Variants in PTPRM observed in about 807,000 individuals in gnomAD.
The protein encoded by PTPRM is protein tyrosine phosphatase receptor type M.
PTPRM carries 47 observed loss-of-function variants against 186.7 expected under a neutral mutation model. That is an observed-to-expected ratio of 0.25 (90% CI 0.20 to 0.32). The LOEUF is 0.32. Ranked by LOEUF, PTPRM falls within the 10% of genes least tolerant of loss-of-function variation. PTPRM has a pLI of 1.00. For synonymous variants in PTPRM, 668 were observed against 674.9 expected (o/e 0.99, Z 0.16); for missense variants, 1,494 against 1,865.0 (o/e 0.80, Z 3.66).
chr18:8,382,877 C>G (rs1443265196), intron 29 of PTPRM, among the ~76,000 whole-genome samples: 2 of 152,232 alleles, frequency 1.3e-5, no homozygotes, highest in African/African-American at 4.8e-5. Context: ...CCTGACACAT[C>G]ATTCTGCATA....
chr18:7,940,712 C>T (rs1157731675), intron 5 of PTPRM, among the ~76,000 whole-genome samples: 2 of 149,990 alleles, frequency 1.3e-5, no homozygotes, highest in South Asian at 2.1e-4. Flanking sequence ...GTACCTTAGC[C>T]TGTACTCCAA....
chr18:8,097,572 T>C (rs77537922), intron 11 of PTPRM, among the ~76,000 whole-genome samples: 3,352 of 152,332 alleles, frequency 0.022, 54 homozygotes, highest in African/African-American at 0.047. Flanking sequence ...TGAACACTTA[T>C]TGTCTTCATG....
At chr18:8,370,035 C>T (rs1482787832) in intron 23 of PTPRM, among the ~76,000 whole-genome samples, 1 of 152,066 alleles carries the variant, frequency 6.6e-6, no homozygotes, top group Admixed American at 6.5e-5. Flanking sequence ...AATAGAAATT[C>T]ATCCATGGAG....
At chr18:8,053,585 T>C (rs8099242) in intron 7 of PTPRM, among the ~76,000 whole-genome samples, 1 of 152,204 alleles carries the variant, frequency 6.6e-6, no homozygotes, top group East Asian at 1.9e-4. Context: ...TGGCATCTGA[T>C]AGAACAAATT....
At chr18:7,930,883 C>T (rs1265751269) in intron 5 of PTPRM, among the ~76,000 whole-genome samples, 1 of 151,890 alleles carries the variant, frequency 6.6e-6, no homozygotes. Flanking sequence ...TTATGATTAA[C>T]AGATGTGTCC....
chr18:8,384,772 G>A, intron 30 of PTPRM, 86 bp downstream of exon 30: 1 of 1,537,668 alleles, frequency 6.5e-7, no homozygotes, highest in Non-Finnish European at 8.9e-7. Flanking sequence ...CTCTATGTCA[G>A]TCACTGTTCC....
chr18:7,767,087 C>T (rs2042048957), intron 1 of PTPRM, among the ~76,000 whole-genome samples: 1 of 152,154 alleles, frequency 6.6e-6, no homozygotes, highest in African/African-American at 2.4e-5. Context: ...GCTGTTGATA[C>T]CAGAGAACTT....
chr18:7,798,266 C>T (rs1459325012), intron 2 of PTPRM, among the ~76,000 whole-genome samples: 1 of 152,126 alleles, frequency 6.6e-6, no homozygotes, highest in Non-Finnish European at 1.5e-5. Flanking sequence ...CATGGTGGCT[C>T]ACTCCTGTAA....
intron 2 of PTPRM, among the ~76,000 whole-genome samples, chr18:7,822,239 ACT>A (rs2045239087): frequency 2.6e-5 from 4 of 152,152 alleles, no homozygotes; most frequent in Admixed American, 2.6e-4. Flanking sequence ...ATTGAAGCAA[ACT>A]CTAAACTATC....
chr18:7,587,625 A>G (rs2037013238), intron 1 of PTPRM, among the ~76,000 whole-genome samples: 1 of 152,124 alleles, frequency 6.6e-6, no homozygotes, highest in African/African-American at 2.4e-5. Flanking sequence ...GTTGTTTTTT[A>G]ACTTAAAAGC....
At chr18:7,618,553 GA>G (rs916187100) in intron 1 of PTPRM, among the ~76,000 whole-genome samples, 2 of 151,996 alleles carry the variant, frequency 1.3e-5, no homozygotes, top group Non-Finnish European at 2.9e-5. Flanking sequence ...AACCTGAAAG[GA>G]AAAAAACCCA....
At chr18:7,869,334 C>CG in intron 2 of PTPRM, among the ~76,000 whole-genome samples, 1 of 152,208 alleles carries the variant, frequency 6.6e-6, no homozygotes, top group Non-Finnish European at 1.5e-5. Context: ...GCACAGGCAC[C>CG]GGGGGGAATC....
chr18:7,670,824 A>T (rs577110249), intron 1 of PTPRM, among the ~76,000 whole-genome samples: 14 of 152,326 alleles, frequency 9.2e-5, no homozygotes, highest in Non-Finnish European at 1.9e-4. Context: ...TATTTCAAGG[A>T]TGCTTATGGT....
At chr18:7,590,641 C>T (rs568690134) in intron 1 of PTPRM, among the ~76,000 whole-genome samples, 60 of 152,160 alleles carry the variant, frequency 3.9e-4, no homozygotes, top group African/African-American at 1.4e-3. Context: ...TGCCATATAG[C>T]CACTAAGAAT....
chr18:7,714,357 C>G (rs1048566535), intron 1 of PTPRM, among the ~76,000 whole-genome samples: 15 of 152,128 alleles, frequency 9.9e-5, no homozygotes, highest in African/African-American at 3.6e-4. Flanking sequence ...ATCTGGGACA[C>G]AGCTAAAGCA....
Position 8,186,583 on chromosome 18 carries a change from C to G in PTPRM, c.2300+42804C>G, listed in dbSNP as rs533679460. Among the ~76,000 whole-genome samples, 4 of 152,294 alleles carry G rather than the reference C, an allele frequency of 2.6e-5. No individual in the cohort carries two copies. In the South Asian group the frequency reaches 8.3e-4, roughly 32 times the overall value. On this transcript the variant is annotated intron_variant, in intron 14 of 32. Transcript: ENST00000580170. ...TTCAGAGCAACAGTTGCCCTGCACT[C>G]TTGTGCATGGCCCTCAAAGCTGTTC... is the stretch of plus-strand genomic sequence containing the variant.
intron 14 of PTPRM, among the ~76,000 whole-genome samples, chr18:8,175,130 T>C (rs1432700548): frequency 3.3e-5 from 5 of 152,190 alleles, no homozygotes; most frequent in Non-Finnish European, 7.3e-5. Context: ...CATCACTGGC[T>C]TTTGTGAGTT....
intron 19 of PTPRM, among the ~76,000 whole-genome samples, chr18:8,278,152 G>T (rs1343502990): frequency 1.3e-5 from 2 of 152,152 alleles, no homozygotes; most frequent in African/African-American, 2.4e-5. Context: ...ATCTCAAATG[G>T]ATCTAATGAG....
chr18:7,955,449 G>T, intron 7 of PTPRM, 35 bp downstream of exon 7: 2 of 1,577,464 alleles, frequency 1.3e-6, no homozygotes, highest in Non-Finnish European at 1.7e-6. Context: ...AATTGTCATT[G>T]TCTTTCCTGG....
Sources: gnomAD v4.1 joint callset for allele counts (sites outside exome capture counted in the v4.1 genomes callset) on GRCh38, gnomAD v4.1.1 for gene constraint, MANE v1.5 for transcripts, NCBI Gene and HGNC (gene_info 2026-07-23, HGNC 2026-07-21) for gene names.